The following TBCD variants were observed in gnomAD, a reference collection of about 807,000 sequenced individuals.
TBCD encodes tubulin-specific chaperone D.
TBCD carries 105 observed loss-of-function variants against 169.3 expected under a neutral mutation model. The observed-to-expected ratio is 0.62, with a 90% CI of 0.53 to 0.73. TBCD has a LOEUF of 0.73. TBCD is among the 30% of genes least tolerant of loss of function. The pLI is 0.00. For missense variants in TBCD, 1,444 were observed against 1,600.1 expected (o/e 0.90, Z 1.66); for synonymous variants, 700 against 643.9 (o/e 1.09, Z -1.32).
chr17:82,893,045 C>T (rs897257927), intron 16 of TBCD: 20 of 152,980 alleles, frequency 1.3e-4, no homozygotes, highest in Non-Finnish European at 2.8e-4. Flanking sequence ...CTTGCCTGCC[C>T]GGGACTGCTG....
At position 82,930,375 on chromosome 17, in the gene TBCD, C is replaced by T. The variant is rs537880376; in HGVS notation, c.2992-147C>T. 2.9e-5 allele frequency: 36 copies of T among 1,233,264 alleles called. No individual in the cohort carries two copies. Among genetic ancestry groups the T allele is most frequent in the Middle Eastern group, 2.8e-4 (1 of 3,536 alleles). 76.4% of individuals were successfully genotyped at this position (1,233,264 alleles called of 1,614,324 possible). On this transcript the variant is annotated intron_variant, in intron 32 of 38. Transcript: ENST00000355528. The surrounding 1 kb of genome is among the most constrained non-coding windows in gnomAD (Gnocchi z 5.2). ...CTGTGAGTGGCTCCGTGCTGGCGTC[C>T]GCACCAGCCGCTTGGGGCCAGACCT... is the stretch of plus-strand genomic sequence containing the variant.
intron 12 of TBCD, 101 bp from the exon 13 acceptor site, chr17:82,814,739 A>G: frequency 2.7e-6 from 3 of 1,117,742 alleles, no homozygotes; most frequent in Non-Finnish European, 4.0e-6. Flanking sequence ...CCTTACAGGC[A>G]GAGGATATGG....
chr17:82,929,636 G>C, intron 32 of TBCD, 136 bp downstream of exon 32: 1 of 1,252,472 alleles, frequency 8.0e-7, no homozygotes, highest in Non-Finnish European at 1.1e-6. Flanking sequence ...ATTTGGTTAG[G>C]GGGTCAGGGG....
rs1180710934 is a variant in TBCD at position 82,835,673 on chromosome 17, C to T, written c.1318+20739C>T. On this transcript the variant is annotated intron_variant, in intron 13 of 38. Transcript: ENST00000355528. The surrounding 1 kb of genome is among the most constrained non-coding windows in gnomAD (Gnocchi z 4.5). ...CTCCTGACCTCAGGCGATCTGCCCG[C>T]CTCAGCCTCCCAAAGTGCTGGGATT... is the stretch of plus-strand genomic sequence containing the variant. Among the ~76,000 whole-genome samples, 1 of 152,304 alleles carries T rather than the reference C, an allele frequency of 6.6e-6. No homozygotes were observed. The highest frequency in any genetic ancestry group is 1.9e-4 in the East Asian group (1 of 5,184).
At chr17:82,931,615 G>A (rs1443370640) in intron 33 of TBCD, among the ~76,000 whole-genome samples, 4 of 152,218 alleles carry the variant, frequency 2.6e-5, no homozygotes, top group East Asian at 1.9e-4. Context: ...TTGCCGCATC[G>A]GGGCTGTTGC....
At chr17:82,940,142 G>A (rs1233032121) in intron 37 of TBCD, among the ~76,000 whole-genome samples, 1 of 152,040 alleles carries the variant, frequency 6.6e-6, no homozygotes, top group African/African-American at 2.4e-5. Flanking sequence ...GTATGTTCCT[G>A]GGAACAGCAG....
intron 2 of TBCD, among the ~76,000 whole-genome samples, chr17:82,760,228 T>C (rs1171602134): frequency 6.6e-6 from 1 of 152,190 alleles, no homozygotes; most frequent in Non-Finnish European, 1.5e-5. Context: ...TTTCCTCTTA[T>C]TTTCTTGATG....
At chr17:82,817,149 T>C (rs577511301) in intron 13 of TBCD, among the ~76,000 whole-genome samples, 1 of 152,282 alleles carries the variant, frequency 6.6e-6, no homozygotes, top group East Asian at 1.9e-4. Context: ...TATTGATTGA[T>C]TGACAGAGTC....
chr17:82,909,218 G>A, intron 21 of TBCD, 67 bp from the exon 22 acceptor site: 2 of 1,254,096 alleles, frequency 1.6e-6, no homozygotes, highest in Admixed American at 4.2e-5. Context: ...GTTTTTGACA[G>A]TTGTTAACGT....
At chr17:82,791,279 G>C (rs1217604170) in intron 7 of TBCD, among the ~76,000 whole-genome samples, 2 of 152,156 alleles carry the variant, frequency 1.3e-5, no homozygotes, top group East Asian at 3.9e-4. Context: ...TTTTAGTAGA[G>C]ATGGGGTTTC....
At chr17:82,771,239 C>T (rs1036356117) in intron 5 of TBCD, among the ~76,000 whole-genome samples, 9 of 151,882 alleles carry the variant, frequency 5.9e-5, no homozygotes, top group African/African-American at 2.2e-4. Context: ...TTTGGGAGGC[C>T]AGGGTGGGAG....
At chr17:82,774,356 C>T (rs1300769684) in intron 6 of TBCD, among the ~76,000 whole-genome samples, 4 of 152,134 alleles carry the variant, frequency 2.6e-5, no homozygotes, top group Non-Finnish European at 4.4e-5. Flanking sequence ...TCAGAGAGCA[C>T]GGAGTTGGGG....
At position 82,889,023 on chromosome 17, in the gene TBCD, G is replaced by T. The variant is rs1270237904; in HGVS notation, c.1534-645G>T. ...TTTTGGGAAGGACGGGGCACCAGCT[G>T]GTGACACATGGGAAGGGAGGTGTGG... On this transcript the variant is annotated intron_variant, in intron 15 of 38. Coordinates refer to ENST00000355528, the MANE Select transcript of TBCD (RefSeq NM_005993.5). The surrounding 1 kb of genome is among the most constrained non-coding windows in gnomAD (Gnocchi z 5.3). Among the ~76,000 whole-genome samples the T allele has an allele frequency of 6.6e-6, 1 of 152,190 alleles. No individual in the cohort carries two copies. Among genetic ancestry groups the T allele is most frequent in the Non-Finnish European group, 1.5e-5 (1 of 68,016 alleles).
chr17:82,791,969 G>GT (rs2144520329), intron 7 of TBCD, among the ~76,000 whole-genome samples: 1 of 152,320 alleles, frequency 6.6e-6, no homozygotes, highest in Admixed American at 6.5e-5. Context: ...GCAGGGAACT[G>GT]TAACACAGTG....
At chr17:82,881,351 G>A (rs2058339887) in intron 14 of TBCD, among the ~76,000 whole-genome samples, 1 of 152,238 alleles carries the variant, frequency 6.6e-6, no homozygotes, top group Non-Finnish European at 1.5e-5. Flanking sequence ...GTAAACGGTA[G>A]CTCATTCGGT....
At position 82,880,940 on chromosome 17, in the gene TBCD, C is replaced by T. The variant is rs978176108; in HGVS notation, c.1476-3205C>T. On this transcript the variant is annotated intron_variant, in intron 14 of 38. Transcript: ENST00000355528. The surrounding 1 kb of genome is among the most constrained non-coding windows in gnomAD (Gnocchi z 5.0). ...CCAGGCGGAACTCGGGGAAGGAGGCCGTGTACTCCCATAGCTCTGGGCTCT... is the reference window on the plus strand; with the variant it reads ...CCAGGCGGAACTCGGGGAAGGAGGCTGTGTACTCCCATAGCTCTGGGCTCT... Among the ~76,000 whole-genome samples the T allele has an allele frequency of 1.3e-5, 2 of 151,988 alleles. No individual in the cohort carries two copies. Among genetic ancestry groups the T allele is most frequent in the South Asian group, 4.2e-4 (2 of 4,786 alleles).
At chr17:82,917,514 C>T (rs2061133617) in intron 23 of TBCD, among the ~76,000 whole-genome samples, 1 of 152,152 alleles carries the variant, frequency 6.6e-6, no homozygotes, top group Non-Finnish European at 1.5e-5. Context: ...GTATATCATA[C>T]ATGAAAAGCA....
chr17:82,778,864 A>G (rs1220340428), intron 6 of TBCD, among the ~76,000 whole-genome samples: 1 of 151,842 alleles, frequency 6.6e-6, no homozygotes, highest in Non-Finnish European at 1.5e-5. Context: ...GTTTCACCAT[A>G]GTGGCCAGGG....
intron 13 of TBCD, among the ~76,000 whole-genome samples, chr17:82,844,144 C>G (rs2054789970): frequency 6.7e-6 from 1 of 149,904 alleles, no homozygotes; most frequent in South Asian, 2.1e-4. Flanking sequence ...CTTTTCTTAT[C>G]TAAGGATTTT....
Sources: allele counts gnomAD v4.1 joint callset (sites outside exome capture counted in the v4.1 genomes callset), GRCh38; gene constraint gnomAD v4.1.1; non-coding constraint Gnocchi (gnomAD v3.1); transcripts MANE v1.5; gene names NCBI Gene and HGNC (gene_info 2026-07-23, HGNC 2026-07-21).